SEC24A: variants seen among roughly 807,000 people sequenced by gnomAD.
SEC24A encodes protein transport protein Sec24A.
SEC24A carries 93 observed loss-of-function variants against 129.4 expected under a neutral mutation model. The observed-to-expected ratio is 0.72, with a 90% CI of 0.61 to 0.85. The LOEUF (loss-of-function observed/expected upper bound fraction) is 0.85. Among genes scored for constraint, SEC24A ranks in the 40% least tolerant of loss-of-function variants. SEC24A has a pLI of 0.00. For synonymous variants in SEC24A, 460 were observed against 467.3 expected, an observed-to-expected ratio of 0.98 and a Z score of 0.20; for missense variants, 1,264 against 1,307.4, an observed-to-expected ratio of 0.97 and a Z score of 0.51.
At chr5:134,694,180 C>CT (rs1435802451) in intron 13 of SEC24A, among the ~76,000 whole-genome samples, 3 of 152,126 alleles carry the variant, frequency 2.0e-5, no homozygotes, top group Non-Finnish European at 4.4e-5. Flanking sequence ...GTCTGGGAGA[C>CT]TAACAGAATA....
intron 18 of SEC24A, among the ~76,000 whole-genome samples, chr5:134,714,729 A>C (rs898920190): frequency 2.0e-5 from 3 of 152,200 alleles, no homozygotes; most frequent in Non-Finnish European, 4.4e-5. Flanking sequence ...CATTATCACT[A>C]TCATTATATG....
chr5:134,711,983 G>A (rs371986541), intron 18 of SEC24A, among the ~76,000 whole-genome samples: 6 of 152,130 alleles, frequency 3.9e-5, no homozygotes, highest in South Asian at 2.1e-4. Flanking sequence ...TCCTGACCTC[G>A]TGATCCACCC....
At chr5:134,724,395 C>T (rs1580747285) in intron 22 of SEC24A, among the ~76,000 whole-genome samples, 2 of 152,192 alleles carry the variant, frequency 1.3e-5, no homozygotes, top group East Asian at 3.9e-4. Flanking sequence ...TCGAGACCAG[C>T]CTGACCAACA....
intron 6 of SEC24A, 50 bp from the exon 7 acceptor site, chr5:134,675,973 T>C: frequency 7.7e-7 from 1 of 1,306,916 alleles, no homozygotes; most frequent in Non-Finnish European, 1.1e-6. Flanking sequence ...GTTGTTTTCT[T>C]CAAAAATAAT....
chr5:134,714,432 T>C (rs1246832214), intron 18 of SEC24A, among the ~76,000 whole-genome samples: 1 of 152,180 alleles, frequency 6.6e-6, no homozygotes, highest in East Asian at 1.9e-4. Context: ...CAGATTCTCA[T>C]AGGAGCGCCA....
At chr5:134,723,827 C>G (rs186910096) in intron 22 of SEC24A, among the ~76,000 whole-genome samples, 157 bp downstream of exon 22, 1 of 152,156 alleles carries the variant, frequency 6.6e-6, no homozygotes, top group East Asian at 1.9e-4. Flanking sequence ...AAATACAGAA[C>G]TTTTTTCATT....
At position 134,686,832 on chromosome 5, in the gene SEC24A, G is replaced by A; in HGVS notation, c.1534G>A (p.Val512Met). 1 of 1,610,042 alleles carries A rather than the reference G, an allele frequency of 6.2e-7. No homozygotes were observed. Among genetic ancestry groups the A allele is most frequent in the Non-Finnish European group, 8.5e-7 (1 of 1,178,256 alleles). The stretch of plus-strand genomic sequence containing the variant: ...TCCAGTGTATCTCTTTGTATTTGAT[G>A]TGTCTCACAATGCAGTCGAAACTGG... Reference protein sequence around the residue: ...QPPVYLFVFDVSHNAVETGYL... With the variant: ...QPPVYLFVFDMSHNAVETGYL... The change falls in exon 10 of 23, where the codon GTG becomes ATG. Residue 512 changes from valine to methionine, a missense_variant. By Grantham distance (21) the Val-to-Met change is conservative. Coordinates refer to ENST00000398844, the MANE Select transcript of SEC24A (RefSeq NM_021982.3).
chr5:134,690,354 C>T (rs572701722), intron 11 of SEC24A, among the ~76,000 whole-genome samples: 1 of 152,114 alleles, frequency 6.6e-6, no homozygotes, highest in Non-Finnish European at 1.5e-5. Flanking sequence ...ACTCTTGTTG[C>T]CCATGTTGCA....
At position 134,671,814 on chromosome 5, in the gene SEC24A, A is replaced by C; in HGVS notation, c.745A>C (p.Thr249Pro). The change falls in exon 4 of 23, where the codon ACA (threonine) becomes CCA (proline). Residue 249 changes from threonine to proline, a missense_variant. By Grantham distance (38) the Thr-to-Pro change is conservative. Transcript: ENST00000398844. ...TTGATGAACTTCCTTCTTAGGTATT[A>C]CATCAAATACCAATAACGGATCTAT... The part of the protein sequence containing the change: ...FNSAVNQEGI[T>P]SNTNNGSMVV... The C allele has an allele frequency of 6.3e-7, 1 of 1,581,372 alleles. No individual in the cohort carries two copies. The highest frequency in any genetic ancestry group is 1.2e-5 in the South Asian group (1 of 85,762).
Position 134,661,240 on chromosome 5 carries a change from G to C in SEC24A, c.219G>C (p.Gln73His), listed in dbSNP as rs1254724717. Residue 73 changes from glutamine (Q) to histidine (H), a missense_variant, in exon 2 of 23, where the codon CAG (glutamine) becomes CAC (histidine). Transcript: ENST00000398844. ...AGACTTTGAATCCAGTCTCTGGACA[G>C]TCTAACTATGGTGGTTCTCAGGGAT... ...PAKTLNPVSG[Q>H]SNYGGSQGSG... 6.2e-7 allele frequency: 1 copy of C among 1,614,034 alleles called. No homozygotes were observed. The highest frequency in any genetic ancestry group is 1.3e-5 in the African/African-American group (1 of 74,916).
In SEC24A at chr5:134,688,254, G is replaced by C. The variant is rs372634474; in HGVS notation, c.1678G>C (p.Glu560Gln). The C allele has an allele frequency of 1.9e-6, 3 of 1,611,484 alleles. No homozygotes were observed. The highest frequency in any genetic ancestry group is 2.5e-6 in the Non-Finnish European group (3 of 1,177,892). ...TACAATCCATTTCTACGGTCTTCAG[G>C]AAAGTCTCTCTCAACCTCAGATGCT... ...DSTIHFYGLQ[E>Q]SLSQPQMLIV... Residue 560 changes from glutamate (E) to glutamine (Q), a missense_variant, in exon 11 of 23, where the codon GAA becomes CAA. Physicochemically the swap from Glu to Gln is conservative, Grantham distance 29. Coordinates refer to ENST00000398844, the MANE Select transcript of SEC24A (RefSeq NM_021982.3).
chr5:134,674,887 A>G, intron 5 of SEC24A, 112 bp downstream of exon 5: 1 of 1,127,442 alleles, frequency 8.9e-7, no homozygotes, highest in Non-Finnish European at 1.2e-6. Context: ...ATTTAGAATA[A>G]TAATGGATAT....
rs1750685712 is a variant in SEC24A at position 134,667,003 on chromosome 5, G to GA, written c.739+9dup. ...TCAGCTGTCAACCAAGAAGGTAAGT[G>GA]AACCAAGAAACAAAGTCAAATCCTC... On this transcript the variant is annotated splice_region_variant and intron_variant, in intron 3 of 22. Coordinates refer to ENST00000398844, the MANE Select transcript of SEC24A (RefSeq NM_021982.3). 2.6e-6 allele frequency: 4 copies of GA among 1,537,796 alleles called. No individual in the cohort carries two copies. The highest frequency in any genetic ancestry group is 3.5e-6 in the Non-Finnish European group (4 of 1,147,020).
At chr5:134,699,401 C>T (rs2150101811) in intron 15 of SEC24A, among the ~76,000 whole-genome samples, 1 of 151,568 alleles carries the variant, frequency 6.6e-6, no homozygotes, top group East Asian at 2.0e-4. Context: ...TGGGTTCATG[C>T]CATTCTCCTG....
In SEC24A at chr5:134,703,744, C is replaced by T; in HGVS notation, c.2267-15C>T. The stretch of plus-strand genomic sequence containing the variant: ...AGGTATATAAAAATAATTTTGTTAC[C>T]TTTTTCTCTTCTAGGTCTTTCCATT... On this transcript the variant is annotated splice_polypyrimidine_tract_variant and intron_variant, in intron 15 of 22. Transcript: ENST00000398844. 6.4e-7 allele frequency: 1 copy of T among 1,574,054 alleles called. No individual in the cohort carries two copies. Among genetic ancestry groups the T allele is most frequent in the Non-Finnish European group, 8.7e-7 (1 of 1,146,736 alleles).
rs182619618 is a variant in SEC24A at position 134,680,244 on chromosome 5, T to C, written c.1381+516T>C. ...GAGGACTATAATGTAATCAACAGGG[T>C]TCTGTTAGTATTAGAGAAGGAAGTG... On this transcript the variant is annotated intron_variant, in intron 8 of 22. Transcript: ENST00000398844. 9.2e-5 allele frequency among the ~76,000 whole-genome samples: 14 copies of C among 152,346 alleles called. No individual in the cohort carries two copies. In the East Asian group the frequency reaches 2.7e-3, roughly 29 times the overall value.
chr5:134,649,815 A>G (rs1749988222), intron 1 of SEC24A, among the ~76,000 whole-genome samples: 1 of 152,220 alleles, frequency 6.6e-6, no homozygotes, highest in Non-Finnish European at 1.5e-5. Context: ...GTCTACATGT[A>G]CATTATAGTT....
At chr5:134,687,237 C>T (rs747719497) in intron 10 of SEC24A, among the ~76,000 whole-genome samples, 2 of 152,148 alleles carry the variant, frequency 1.3e-5, no homozygotes, top group African/African-American at 4.8e-5. Flanking sequence ...TACTGTTTTA[C>T]CTATACGTAC....
intron 7 of SEC24A, among the ~76,000 whole-genome samples, chr5:134,678,628 T>C (rs973391214): frequency 6.6e-6 from 1 of 151,972 alleles, no homozygotes; most frequent in Non-Finnish European, 1.5e-5. Flanking sequence ...TTGCCCAGGC[T>C]GGAGTACAGT....
Sources: allele counts gnomAD v4.1 joint callset (sites outside exome capture counted in the v4.1 genomes callset), GRCh38; gene constraint gnomAD v4.1.1; transcripts MANE v1.5; gene names NCBI Gene and HGNC (gene_info 2026-07-23, HGNC 2026-07-21).